Variants in LAMB1 observed in about 807,000 individuals in gnomAD.
The protein encoded by LAMB1 is laminin subunit beta-1.
A neutral mutation model predicts 222.3 loss-of-function variants in LAMB1; 121 were observed. That is an observed-to-expected ratio of 0.54 (90% confidence interval 0.47 to 0.63). The LOEUF is 0.63. Among genes scored for constraint, LAMB1 ranks in the 30% least tolerant of loss-of-function variants. LAMB1 has a pLI of 0.00. For missense variants in LAMB1, 2,172 were observed against 2,240.8 expected, an observed-to-expected ratio of 0.97 and a Z score of 0.62; for synonymous variants, 794 against 807.2, an observed-to-expected ratio of 0.98 and a Z score of 0.28.
chr7:107,924,338 C>T lies in LAMB1; in HGVS notation c.5116G>A (p.Ala1706Thr). ...TCAGCTGACTCTTCAGTTTTTTTGG[C>T]AATTAAATTTTCTACTTTTTTATAC... ...EKYKKVENLI[A>T]KKTEESADAR... is the part of the protein sequence containing the mutation. The change falls in exon 33 of 34, where the codon GCC becomes ACC. Residue 1706 changes from alanine to threonine, a missense_variant. Physicochemically the swap from Ala to Thr is moderately conservative, Grantham distance 58. Coordinates refer to ENST00000222399, the MANE Select transcript of LAMB1 (RefSeq NM_002291.3). 1 of 1,612,090 alleles carries T rather than the reference C, an allele frequency of 6.2e-7. No homozygotes were observed. Among genetic ancestry groups the T allele is most frequent in the Middle Eastern group, 1.7e-4 (1 of 6,056 alleles).
chr7:107,966,467 C>A (rs1460405663), intron 13 of LAMB1, among the ~76,000 whole-genome samples: 1 of 152,066 alleles, frequency 6.6e-6, no homozygotes, highest in Non-Finnish European at 1.5e-5. Flanking sequence ...CTTCGGTCTC[C>A]CAAAGTGCTG....
intron 32 of LAMB1, among the ~76,000 whole-genome samples, chr7:107,924,865 A>G (rs1026389828): frequency 1.3e-5 from 2 of 152,178 alleles, no homozygotes; most frequent in Non-Finnish European, 2.9e-5. Context: ...CATATGCAAG[A>G]AGTGAGTGAG....
chr7:107,940,433 C>T (rs2032954470), intron 24 of LAMB1, 75 bp from the exon 25 acceptor site: 2 of 1,453,758 alleles, frequency 1.4e-6, no homozygotes, highest in Admixed American at 2.0e-5. Context: ...ATTTAGAATA[C>T]TCACTTCACT....
intron 17 of LAMB1, among the ~76,000 whole-genome samples, 156 bp downstream of exon 17, chr7:107,961,050 A>G (rs1007493650): frequency 1.3e-5 from 2 of 152,072 alleles, no homozygotes; most frequent in South Asian, 2.1e-4. Context: ...AATCCTTTCC[A>G]TGGGGTGGAG....
At chr7:107,967,367 A>T (rs562883795) in intron 13 of LAMB1, among the ~76,000 whole-genome samples, 14 of 151,916 alleles carry the variant, frequency 9.2e-5, no homozygotes, top group Admixed American at 9.2e-4. Context: ...TCCTAAACTG[A>T]CCTCTCAAAT....
intron 13 of LAMB1, among the ~76,000 whole-genome samples, chr7:107,971,860 T>C (rs1184621738): frequency 6.6e-6 from 1 of 152,154 alleles, no homozygotes; most frequent in East Asian, 1.9e-4. Flanking sequence ...CATTCCTGAG[T>C]TTATGACATA....
At chr7:107,985,577 C>A (rs1316463842) in intron 7 of LAMB1, among the ~76,000 whole-genome samples, 1 of 147,738 alleles carries the variant, frequency 6.8e-6, no homozygotes, top group East Asian at 2.1e-4. Flanking sequence ...TGCAGTGAGC[C>A]TAGATCGCGC....
At chr7:107,983,837 T>C (rs1321050712) in intron 7 of LAMB1, among the ~76,000 whole-genome samples, 2 of 152,000 alleles carry the variant, frequency 1.3e-5, no homozygotes, top group African/African-American at 4.8e-5. Flanking sequence ...TTAATTACCA[T>C]ACATGCCTCC....
At chr7:107,953,423 C>A in intron 22 of LAMB1, 107 bp downstream of exon 22, 6 of 850,140 alleles carry the variant, frequency 7.1e-6, no homozygotes, top group South Asian at 1.7e-5. Context: ...CCTCTCTGAA[C>A]AAGTGTTTTC....
chr7:107,973,392 G>A (rs961921232), intron 12 of LAMB1, among the ~76,000 whole-genome samples: 6 of 152,304 alleles, frequency 3.9e-5, no homozygotes, highest in South Asian at 4.1e-4. Flanking sequence ...TACTCTGGCT[G>A]TAAGAGAATT....
At chr7:107,970,505 A>AAG (rs386418403) in intron 13 of LAMB1, among the ~76,000 whole-genome samples, 11,431 of 108,782 alleles carry the variant, frequency 0.11, 959 homozygotes, top group African/African-American at 0.19. Flanking sequence ...AAAAAAAAAA[A>AAG]GGGGGGGGTG....
chr7:107,937,617 C>T (rs1422329959), intron 25 of LAMB1, among the ~76,000 whole-genome samples: 2 of 152,170 alleles, frequency 1.3e-5, no homozygotes, highest in African/African-American at 2.4e-5. Flanking sequence ...CAAGCCCTTA[C>T]AATTGTGAAA....
In LAMB1 at chr7:107,924,006, C is replaced by T. The variant is rs748443031; in HGVS notation, c.5306G>A (p.Arg1769His). The T allele has an allele frequency of 1.8e-5, 29 of 1,602,750 alleles. No homozygotes were observed. The highest frequency in any genetic ancestry group is 2.3e-5 in the South Asian group (2 of 88,368). The change falls in exon 34 of 34, where the codon CGT becomes CAT. Residue 1769 changes from arginine (R) to histidine (H), a missense_variant. Transcript: ENST00000222399. ...CTGGCTTATATCCTTTAGGAGTGAACGGACTTCTCCTTCCAGTCTTGCTAA... is the reference window on the plus strand; with the variant it reads ...CTGGCTTATATCCTTTAGGAGTGAATGGACTTCTCCTTCCAGTCTTGCTAA... ...QELARLEGEV[R>H]SLLKDISQKV...
intron 24 of LAMB1, among the ~76,000 whole-genome samples, chr7:107,950,923 GGTGTGTGTGT>G (rs57060477): frequency 0.23 from 34,476 of 147,786 alleles, 4,252 homozygotes; most frequent in East Asian, 0.51. Context: ...GTGTATTTGT[GGTGTGTGTGT>G]GTGTGTGTGT....
intron 5 of LAMB1, among the ~76,000 whole-genome samples, chr7:107,988,063 C>T (rs1026250274): frequency 1.3e-5 from 2 of 152,120 alleles, no homozygotes; most frequent in African/African-American, 4.8e-5. Context: ...AAAAAGATGA[C>T]GGTTTTAACC....
At chr7:107,965,903 C>G (rs1209108697) in intron 13 of LAMB1, among the ~76,000 whole-genome samples, 2 of 151,958 alleles carry the variant, frequency 1.3e-5, no homozygotes, top group Non-Finnish European at 2.9e-5. Flanking sequence ...TTGAGACCAG[C>G]CTGGCCAACA....
chr7:107,935,370 T>TC, intron 27 of LAMB1, 45 bp downstream of exon 27: 2 of 1,169,372 alleles, frequency 1.7e-6, no homozygotes, highest in South Asian at 2.5e-5. Context: ...TTTTTTTTTT[T>TC]TTTGCTTGGC....
chr7:107,943,054 T>A (rs183144680), intron 24 of LAMB1, among the ~76,000 whole-genome samples: 2 of 152,354 alleles, frequency 1.3e-5, no homozygotes, highest in Admixed American at 6.5e-5. Flanking sequence ...TTCATTTTTC[T>A]TGTTTGGGGA....
In LAMB1 at chr7:107,975,035, T is replaced by C; in HGVS notation, c.1433A>G (p.His478Arg). The change falls in exon 12 of 34, where the codon CAC becomes CGC. Residue 478 changes from histidine (H) to arginine (R), a missense_variant. By Grantham distance (29) the His-to-Arg change is conservative. Transcript: ENST00000222399. ...TGTCACCAGACGCTTGCAGTAGCAG[T>C]GACCTGTCTCGGAATCACAAGGATT... ...GGNPCDSETG[H>R]CYCKRLVTGQ... 6.2e-7 allele frequency: 1 copy of C among 1,613,416 alleles called. No homozygotes were observed. The highest frequency in any genetic ancestry group is 8.5e-7 in the Non-Finnish European group (1 of 1,179,480).
Sources: allele counts gnomAD v4.1 joint callset (sites outside exome capture counted in the v4.1 genomes callset), GRCh38; gene constraint gnomAD v4.1.1; transcripts MANE v1.5; gene names NCBI Gene and HGNC (gene_info 2026-07-23, HGNC 2026-07-21).